ABCB1: variants seen among roughly 807,000 people sequenced by gnomAD.
ABCB1 encodes ATP binding cassette subfamily B member 1.
A neutral mutation model predicts 142.0 loss-of-function variants in ABCB1; 69 were observed. The observed-to-expected ratio is 0.49, with a 90% confidence interval of 0.40 to 0.59. The LOEUF (loss-of-function observed/expected upper bound fraction) is 0.59, where lower values mean the gene tolerates loss of function less well. ABCB1 is among the 20% of genes least tolerant of loss of function. The probability of loss-of-function intolerance (pLI) is 0.00; values close to 1 mark genes in which losing one functional copy is unlikely to be tolerated. For synonymous variants in ABCB1, 532 were observed against 539.2 expected (o/e 0.99, Z 0.18); for missense variants, 1,326 against 1,554.7 (o/e 0.85, Z 2.47).
chr7:87,539,528 C>G (rs1816439953), intron 18 of ABCB1, among the ~76,000 whole-genome samples, 183 bp from the exon 19 acceptor site: 1 of 152,146 alleles, frequency 6.6e-6, no homozygotes, highest in Non-Finnish European at 1.5e-5. Flanking sequence ...GACAGAAAAG[C>G]CCACTTTACA....
chr7:87,666,874 T>C (rs1341457592), intron 1 of ABCB1, among the ~76,000 whole-genome samples: 2 of 152,224 alleles, frequency 1.3e-5, no homozygotes, highest in Non-Finnish European at 2.9e-5. Flanking sequence ...AGTACCATGC[T>C]GTTTTGGTCA....
rs563431090 is a variant in ABCB1 at position 87,628,378 on chromosome 7, C to T, written c.-330-27300G>A. On this transcript the variant is annotated intron_variant, in intron 1 of 28. Coordinates refer to the ABCB1 transcript ENST00000265724. ...TAGGCGCAGAGAGGGTGGGGCTGCGCACGCGAGGCCGGGGGCCTTGCCGCT... is the reference window on the plus strand; with the variant it reads ...TAGGCGCAGAGAGGGTGGGGCTGCGTACGCGAGGCCGGGGGCCTTGCCGCT... 2.0e-3 allele frequency: 306 copies of T among 154,968 alleles called. 1 individual carries two copies. Among genetic ancestry groups the T allele is most frequent in the African/African-American group, 6.7e-3 (279 of 41,690 alleles). 9.6% of individuals were successfully genotyped at this position (154,968 alleles called of 1,614,324 possible).
At chr7:87,610,413 T>A (rs868484259) in intron 1 of ABCB1, among the ~76,000 whole-genome samples, 4,477 of 143,598 alleles carry the variant, frequency 0.031, 167 homozygotes, top group Middle Eastern at 0.055. Context: ...TTTTTTTTTT[T>A]TTTTTTTTTC....
intron 1 of ABCB1, chr7:87,710,463 G>T (rs1583957409): frequency 1.5e-6 from 1 of 647,236 alleles, no homozygotes; most frequent in South Asian, 1.9e-5. Context: ...GTTATCAAAT[G>T]TATATTTTGA....
intron 1 of ABCB1, among the ~76,000 whole-genome samples, chr7:87,635,992 CACTG>C (rs764329848): frequency 3.9e-5 from 6 of 152,164 alleles, no homozygotes; most frequent in Non-Finnish European, 7.4e-5. Context: ...TCCATTCTGT[CACTG>C]ACTGTCATCT....
At chr7:87,678,549 G>A (rs1018651521) in intron 1 of ABCB1, among the ~76,000 whole-genome samples, 6 of 151,938 alleles carry the variant, frequency 3.9e-5, no homozygotes, top group African/African-American at 1.5e-4. Context: ...GGTGAAAAAA[G>A]GGATAAACAG....
intron 14 of ABCB1, among the ~76,000 whole-genome samples, chr7:87,548,888 G>T (rs936632812): frequency 5.9e-5 from 9 of 152,070 alleles, no homozygotes; most frequent in African/African-American, 1.9e-4. Context: ...GAAATAAGAG[G>T]TTTCTTATTT....
chr7:87,565,359 C>T (rs1359374361), intron 7 of ABCB1: 2 of 377,446 alleles, frequency 5.3e-6, no homozygotes, highest in Non-Finnish European at 1.1e-5. Context: ...CATATCAAAT[C>T]AGTTTAAAAT....
intron 24 of ABCB1, 55 bp downstream of exon 24, chr7:87,516,454 A>G (rs577644756): frequency 1.2e-4 from 196 of 1,606,406 alleles, no homozygotes; most frequent in Non-Finnish European, 1.6e-4. Context: ...TTCCACTTAA[A>G]ATACTTTCAT....
In ABCB1 at chr7:87,591,588, G is replaced by C. The variant is rs1021435380; in HGVS notation, c.117+4178C>G. 2.9e-4 allele frequency among the ~76,000 whole-genome samples: 44 copies of C among 152,030 alleles called. 1 individual carries two copies. The highest frequency in any genetic ancestry group is 1.0e-3 in the African/African-American group (43 of 41,380). On this transcript the variant is annotated intron_variant, in intron 3 of 27. Transcript: ENST00000622132. ...TTTATGGAGCGTCGTTGTTGGAACT[G>C]AAGCAGTCAGAGAATGTTGAGACTT...
Position 87,503,724 on chromosome 7 carries a change from G to A in ABCB1, c.*519C>T, listed in dbSNP as rs935901323. On this transcript the variant is annotated 3_prime_UTR_variant, in exon 28 of 28. Coordinates refer to ENST00000622132, the MANE Select transcript of ABCB1 (RefSeq NM_001348946.2). The stretch of plus-strand genomic sequence containing the variant: ...CAATGTGAATAGACATATACAACAG[G>A]AATTATTTAAACTGCTTAACCATTC... 5.4e-6 allele frequency: 1 copy of A among 184,744 alleles called. No homozygotes were observed. Among genetic ancestry groups the A allele is most frequent in the Non-Finnish European group, 1.1e-5 (1 of 87,376 alleles). The allele number at this position is 184,744 out of a possible 1,614,324, so 11.4% of individuals were successfully genotyped here. A position where few individuals can be genotyped will look rare whatever the true frequency, so the allele number is the denominator to read the frequency against.
chr7:87,605,330 C>A (rs565543292), upstream of ABCB1, among the ~76,000 whole-genome samples: 19 of 152,234 alleles, frequency 1.2e-4, no homozygotes, highest in East Asian at 3.5e-3. Flanking sequence ...AATGGGGTTT[C>A]ACCACATTGA....
intron 21 of ABCB1, 24 bp from the exon 22 acceptor site, chr7:87,520,900 C>T: frequency 6.5e-7 from 1 of 1,530,376 alleles, no homozygotes. Flanking sequence ...CACCGATCAC[C>T]AAGAGGCACA....
chr7:87,576,049 A>G (rs895033750), intron 4 of ABCB1, among the ~76,000 whole-genome samples: 1 of 152,166 alleles, frequency 6.6e-6, no homozygotes, highest in Non-Finnish European at 1.5e-5. Context: ...TTCAGGCTAG[A>G]TAACATCTAA....
chr7:87,577,077 C>T (rs962241063), intron 4 of ABCB1, among the ~76,000 whole-genome samples: 1 of 152,146 alleles, frequency 6.6e-6, no homozygotes, highest in African/African-American at 2.4e-5. Flanking sequence ...CCCCACTACA[C>T]TTCCCGGCCT....
At chr7:87,616,603 A>C (rs375746528) in intron 1 of ABCB1, among the ~76,000 whole-genome samples, 2 of 152,202 alleles carry the variant, frequency 1.3e-5, no homozygotes, top group Admixed American at 1.3e-4. Context: ...GTTTATGATC[A>C]TGGTATCTCC....
At chr7:87,689,031 A>G (rs1827753979) in intron 1 of ABCB1, among the ~76,000 whole-genome samples, 1 of 152,028 alleles carries the variant, frequency 6.6e-6, no homozygotes, top group Non-Finnish European at 1.5e-5. Flanking sequence ...TTTCAGGTTT[A>G]TTTTACATGA....
intron 8 of ABCB1, among the ~76,000 whole-genome samples, chr7:87,560,603 T>G (rs1320826510): frequency 6.6e-6 from 1 of 152,172 alleles, no homozygotes; most frequent in Non-Finnish European, 1.5e-5. Flanking sequence ...TTTTCATACC[T>G]TCAAAGATAT....
At chr7:87,668,124 T>G (rs1391367363) in intron 1 of ABCB1, among the ~76,000 whole-genome samples, 1 of 152,052 alleles carries the variant, frequency 6.6e-6, no homozygotes, top group Non-Finnish European at 1.5e-5. Flanking sequence ...CTTGGCTTTT[T>G]TTTTTTTGGT....
Sources: allele counts gnomAD v4.1 joint callset (sites outside exome capture counted in the v4.1 genomes callset), GRCh38; gene constraint gnomAD v4.1.1; transcripts MANE v1.5; gene names NCBI Gene and HGNC (gene_info 2026-07-23, HGNC 2026-07-21).